PTK2: variants seen among roughly 807,000 people sequenced by gnomAD.
The protein encoded by PTK2 is protein tyrosine kinase 2, also known as focal adhesion kinase 1.
Under a neutral mutation model 150.1 loss-of-function variants are expected in PTK2, and 45 were observed. The observed-to-expected ratio is 0.30, with a 90% confidence interval of 0.24 to 0.38. PTK2 has a LOEUF of 0.38. PTK2 is among the 10% of genes least tolerant of loss of function. PTK2 has a pLI of 1.00. For missense variants in PTK2, 919 were observed against 1,307.3 expected, an observed-to-expected ratio of 0.70 and a Z score of 4.58; for synonymous variants, 432 against 449.2, an observed-to-expected ratio of 0.96 and a Z score of 0.48.
intron 10 of PTK2, among the ~76,000 whole-genome samples, chr8:140,808,730 C>CTTTT (rs2100099618): frequency 7.7e-6 from 1 of 130,318 alleles, no homozygotes; most frequent in African/African-American, 3.2e-5. Context: ...AATTTTTGTT[C>CTTTT]TTGTTTTTTT....
intron 3 of PTK2, among the ~76,000 whole-genome samples, chr8:140,880,020 G>C (rs1331659864): frequency 1.3e-5 from 2 of 152,116 alleles, no homozygotes; most frequent in Admixed American, 1.3e-4. Context: ...CTAAGGTCCA[G>C]ACCCAAGGAG....
chr8:140,981,744 C>T (rs550720729), intron 1 of PTK2, among the ~76,000 whole-genome samples: 2 of 152,300 alleles, frequency 1.3e-5, no homozygotes, highest in East Asian at 1.9e-4. Context: ...TGCTGTAGCA[C>T]TGTACAGCAG....
At chr8:140,784,765 G>A (rs2100083926) in intron 14 of PTK2, among the ~76,000 whole-genome samples, 1 of 152,102 alleles carries the variant, frequency 6.6e-6, no homozygotes, top group Admixed American at 6.5e-5. Context: ...GAACAATACA[G>A]GCAGGGACAC....
At chr8:140,761,902 T>C (rs1302503295) in intron 15 of PTK2, among the ~76,000 whole-genome samples, 2 of 152,124 alleles carry the variant, frequency 1.3e-5, no homozygotes, top group African/African-American at 4.8e-5. Context: ...TTTGAGACCA[T>C]GTGCCTCAAA....
intron 5 of PTK2, among the ~76,000 whole-genome samples, chr8:140,858,382 C>A (rs967118530): frequency 6.6e-6 from 1 of 150,678 alleles, no homozygotes; most frequent in Non-Finnish European, 1.5e-5. Flanking sequence ...AACGACATGA[C>A]CCCCTAGAGG....
chr8:140,927,975 A>AAATATATATATATATAT, intron 1 of PTK2, among the ~76,000 whole-genome samples: 1 of 48,192 alleles, frequency 2.1e-5, no homozygotes, highest in East Asian at 8.1e-4. Context: ...AAAAAAAAAA[A>AAATATATATATATATAT]ATATATATAT....
chr8:140,899,674 T>C (rs539560461), intron 2 of PTK2, among the ~76,000 whole-genome samples: 1 of 152,270 alleles, frequency 6.6e-6, no homozygotes, highest in South Asian at 2.1e-4. Context: ...CCAATATCAC[T>C]GAGGAACGTA....
intron 1 of PTK2, among the ~76,000 whole-genome samples, chr8:140,949,138 AT>A (rs2100178642): frequency 6.6e-6 from 1 of 152,080 alleles, no homozygotes; most frequent in Admixed American, 6.5e-5. Context: ...ATTTCTTAAT[AT>A]TTCTATATTT....
intron 2 of PTK2, among the ~76,000 whole-genome samples, chr8:140,921,702 G>A (rs1376252127): frequency 6.6e-6 from 1 of 152,076 alleles, no homozygotes; most frequent in Non-Finnish European, 1.5e-5. Flanking sequence ...ATTAGCTTAG[G>A]GAATATTGAG....
chr8:140,968,077 G>A (rs560059871), intron 1 of PTK2, among the ~76,000 whole-genome samples: 3 of 152,268 alleles, frequency 2.0e-5, no homozygotes, highest in African/African-American at 7.2e-5. Flanking sequence ...TCAAAGGTGG[G>A]AATACTGTGT....
intron 22 of PTK2, chr8:140,734,755 C>T (rs764464653): frequency 5.8e-6 from 3 of 518,074 alleles, no homozygotes; most frequent in East Asian, 1.1e-4. Context: ...AGGAAGCCTT[C>T]CTGAAGCAGG....
chr8:140,755,840 G>A (rs1402133057), intron 16 of PTK2, among the ~76,000 whole-genome samples: 1 of 152,052 alleles, frequency 6.6e-6, no homozygotes, highest in Admixed American at 6.5e-5. Flanking sequence ...TGAAATTTAT[G>A]CCACGTTACA....
exon 17 of PTK2, chr8:140,752,299 C>T (rs200814344): frequency 7.4e-6 from 12 of 1,614,024 alleles, no homozygotes; most frequent in Middle Eastern, 1.6e-4. Flanking sequence ...TAATTGCAAC[C>T]GCCAAAGCTG....
intron 10 of PTK2, among the ~76,000 whole-genome samples, chr8:140,812,177 G>C (rs1210150382): frequency 3.9e-5 from 6 of 152,172 alleles, no homozygotes; most frequent in Admixed American, 2.6e-4. Flanking sequence ...ACCTGCAAAG[G>C]AAGGCCCATC....
intron 2 of PTK2, among the ~76,000 whole-genome samples, chr8:140,896,043 G>A (rs1237485160): frequency 1.3e-5 from 2 of 152,050 alleles, no homozygotes; most frequent in Non-Finnish European, 2.9e-5. Flanking sequence ...AGAGGTAAGA[G>A]ATAATGAGTA....
At chr8:140,845,406 G>A (rs1172150366) in intron 7 of PTK2, among the ~76,000 whole-genome samples, 2 of 151,932 alleles carry the variant, frequency 1.3e-5, no homozygotes, top group Admixed American at 1.3e-4. Flanking sequence ...CTTTGCAAAT[G>A]CTGATTTATC....
At chr8:140,882,221 T>G (rs2100149549) in intron 3 of PTK2, among the ~76,000 whole-genome samples, 1 of 152,216 alleles carries the variant, frequency 6.6e-6, no homozygotes, top group Non-Finnish European at 1.5e-5. Context: ...GTAACTTAAG[T>G]AATTTTGAGA....
intron 14 of PTK2, chr8:140,765,384 T>G (rs1028481220): frequency 1.3e-5 from 2 of 152,170 alleles, no homozygotes; most frequent in African/African-American, 4.8e-5. Flanking sequence ...CACTGGGATA[T>G]CAATCATTCC....
intron 3 of PTK2, among the ~76,000 whole-genome samples, chr8:140,884,713 T>C (rs2100151655): frequency 6.6e-6 from 1 of 152,214 alleles, no homozygotes. Flanking sequence ...TAGTTTGTTC[T>C]TGCAGAATCC....
Sources: gnomAD v4.1 joint callset for allele counts (sites outside exome capture counted in the v4.1 genomes callset) on GRCh38, gnomAD v4.1.1 for gene constraint, MANE v1.5 for transcripts, NCBI Gene and HGNC (gene_info 2026-07-23, HGNC 2026-07-21) for gene names.